RB1: variants seen among roughly 807,000 people sequenced by gnomAD.
RB1 encodes retinoblastoma-associated protein.
A neutral mutation model predicts 135.4 loss-of-function variants in RB1; 18 were observed. That is an observed-to-expected ratio of 0.13 (90% CI 0.09 to 0.20). The LOEUF (loss-of-function observed/expected upper bound fraction) is 0.20. Ranked by LOEUF, RB1 falls within the 10% of genes least tolerant of loss-of-function variation. The probability of loss-of-function intolerance (pLI) is 1.00; values close to 1 mark genes in which losing one functional copy is unlikely to be tolerated. For synonymous variants in RB1, 365 were observed against 373.2 expected, an observed-to-expected ratio of 0.98 and a Z score of 0.25; for missense variants, 868 against 1,110.0, an observed-to-expected ratio of 0.78 and a Z score of 3.10.
chr13:48,361,405 A>C (rs1465707496), intron 7 of RB1, among the ~76,000 whole-genome samples: 1 of 152,158 alleles, frequency 6.6e-6, no homozygotes, highest in Non-Finnish European at 1.5e-5. Flanking sequence ...TGTACTTATC[A>C]TGTAACTTCA....
chr13:48,405,444 T>C (rs1242702128), intron 17 of RB1, among the ~76,000 whole-genome samples: 5 of 152,208 alleles, frequency 3.3e-5, no homozygotes, highest in African/African-American at 1.2e-4. Flanking sequence ...ATAAATGAAG[T>C]TCTAGGGTGT....
intron 12 of RB1, among the ~76,000 whole-genome samples, chr13:48,373,831 G>GT (rs1952790657): frequency 6.6e-6 from 1 of 151,844 alleles, no homozygotes; most frequent in Admixed American, 6.6e-5. Context: ...ACTTTTTGAG[G>GT]TTTTATTTTG....
intron 20 of RB1, 94 bp downstream of exon 20, chr13:48,459,927 T>C (rs944205670): frequency 2.0e-6 from 1 of 494,948 alleles, no homozygotes; most frequent in Admixed American, 4.9e-5. Flanking sequence ...CTTTCTTTCT[T>C]TCTTTCTTTC....
At chr13:48,429,642 C>A (rs116667191) in intron 17 of RB1, 2 of 151,100 alleles carry the variant, frequency 1.3e-5, no homozygotes, top group South Asian at 2.1e-4. Flanking sequence ...CAAATGAATA[C>A]ACTTTTTGTG....
rs182913378 is a variant in RB1 at position 48,364,268 on chromosome 13, G to A, written c.862-626G>A. On this transcript the variant is annotated intron_variant, in intron 8 of 26. Coordinates refer to ENST00000267163, the MANE Select transcript of RB1 (RefSeq NM_000321.3). ...AAATACAGAAAAAATTAAGAAAAAG[G>A]CATGTCTTGAATGTACAAAATATAT... Among the ~76,000 whole-genome samples the A allele has an allele frequency of 2.6e-4, 39 of 152,050 alleles. No homozygotes were observed. The East Asian group carries it at 6.4e-3, about 25-fold the overall frequency.
chr13:48,453,817 C>T (rs1309136324), intron 18 of RB1, among the ~76,000 whole-genome samples: 1 of 152,144 alleles, frequency 6.6e-6, no homozygotes, highest in African/African-American at 2.4e-5. Context: ...AATTATCTAT[C>T]CATCTCATGC....
At chr13:48,332,411 A>T (rs996979015) in intron 2 of RB1, among the ~76,000 whole-genome samples, 5 of 152,162 alleles carry the variant, frequency 3.3e-5, no homozygotes, top group Admixed American at 2.6e-4. Context: ...TCTACGAAAA[A>T]TTAAAAAAAA....
At chr13:48,318,962 C>T in intron 2 of RB1, 4 of 877,574 alleles carry the variant, frequency 4.6e-6, no homozygotes, top group East Asian at 2.5e-5. Context: ...GAAGCGTGGG[C>T]TTGCAGAAAG....
intron 17 of RB1, among the ~76,000 whole-genome samples, chr13:48,392,832 A>G (rs1403437241): frequency 6.6e-6 from 1 of 151,820 alleles, no homozygotes; most frequent in African/African-American, 2.4e-5. Context: ...TAGGTGCCAG[A>G]TATCATGAAT....
At chr13:48,323,002 T>G (rs1230990783) in intron 2 of RB1, among the ~76,000 whole-genome samples, 1 of 152,110 alleles carries the variant, frequency 6.6e-6, no homozygotes, top group African/African-American at 2.4e-5. Flanking sequence ...CTTTGTCTGA[T>G]TTTAGTATCA....
At chr13:48,350,537 A>G (rs188068370) in intron 6 of RB1, among the ~76,000 whole-genome samples, 3 of 152,332 alleles carry the variant, frequency 2.0e-5, no homozygotes, top group African/African-American at 7.2e-5. Context: ...AGGGAAGTTT[A>G]TAGCTGTAAG....
At chr13:48,304,259 T>C (rs551176580) in intron 1 of RB1, among the ~76,000 whole-genome samples, 5 of 152,072 alleles carry the variant, frequency 3.3e-5, no homozygotes, top group African/African-American at 1.2e-4. Context: ...CGGCTTCAAC[T>C]TGACAGGTGT....
chr13:48,418,730 G>T (rs1400990074), intron 17 of RB1, among the ~76,000 whole-genome samples: 3 of 151,434 alleles, frequency 2.0e-5, no homozygotes, highest in African/African-American at 7.3e-5. Context: ...AAAAGCAGGG[G>T]TTGCAATCCT....
rs761015353 is a variant in RB1 at position 48,465,340 on chromosome 13, A to G, written c.2461A>G (p.Thr821Ala). Reference protein sequence around the residue: ...SPYKISEGLPTPTKMTPRSRI... With the variant: ...SPYKISEGLPAPTKMTPRSRI... ...ATATAAAATTTCAGAAGGTCTGCCA[A>G]CACCAACAAAAATGACTCCAAGATC... Residue 821 changes from threonine to alanine, a missense_variant, in exon 23 of 27, where the codon ACA becomes GCA. Physicochemically the swap from Thr to Ala is moderately conservative, Grantham distance 58 (BLOSUM62 0). Coordinates refer to ENST00000267163, the MANE Select transcript of RB1 (RefSeq NM_000321.3). 1.1e-5 allele frequency: 18 copies of G among 1,608,540 alleles called. No homozygotes were observed. In the South Asian group the frequency reaches 2.0e-4, roughly 18 times the overall value.
At chr13:48,450,399 G>T (rs1949319479) in intron 17 of RB1, among the ~76,000 whole-genome samples, 1 of 151,126 alleles carries the variant, frequency 6.6e-6, no homozygotes, top group Non-Finnish European at 1.5e-5. Context: ...ATTTATTTAG[G>T]ACCATTTATT....
At chr13:48,395,687 G>C (rs1948642460) in intron 17 of RB1, among the ~76,000 whole-genome samples, 1 of 152,078 alleles carries the variant, frequency 6.6e-6, no homozygotes, top group East Asian at 1.9e-4. Context: ...AGAGAAAAAA[G>C]AATGAAAAGG....
intron 17 of RB1, among the ~76,000 whole-genome samples, chr13:48,437,484 A>C (rs771977656): frequency 2.6e-5 from 4 of 152,180 alleles, no homozygotes; most frequent in Non-Finnish European, 5.9e-5. Context: ...TTACTGTGTG[A>C]TTTTGACTCA....
chr13:48,451,881 A>G (rs1284251512), intron 17 of RB1, among the ~76,000 whole-genome samples: 1 of 151,618 alleles, frequency 6.6e-6, no homozygotes, highest in Admixed American at 6.6e-5. Context: ...TTTCTTCTAG[A>G]TTTTTTAGTT....
intron 5 of RB1, among the ~76,000 whole-genome samples, chr13:48,348,307 T>C (rs1042197786): frequency 2.6e-5 from 4 of 151,952 alleles, no homozygotes; most frequent in African/African-American, 9.7e-5. Context: ...TCCAGAGTTT[T>C]TTCTTGGAAA....
Sources: gnomAD v4.1 joint callset for allele counts (sites outside exome capture counted in the v4.1 genomes callset) on GRCh38, gnomAD v4.1.1 for gene constraint, MANE v1.5 for transcripts, NCBI Gene and HGNC (gene_info 2026-07-23, HGNC 2026-07-21) for gene names.